Variants in PAFAH2 observed in about 807,000 individuals in gnomAD.
PAFAH2 encodes the protein platelet activating factor acetylhydrolase 2, also known as platelet-activating factor acetylhydrolase 2, cytoplasmic.
PAFAH2 carries 42 observed loss-of-function variants against 49.0 expected under a neutral mutation model. The observed-to-expected ratio is 0.86, with a 90% confidence interval of 0.67 to 1.11. The LOEUF (loss-of-function observed/expected upper bound fraction) is 1.11, where lower values mean the gene tolerates loss of function less well. PAFAH2 is among the 50% of genes least tolerant of loss of function. PAFAH2 has a pLI of 0.00. For synonymous variants in PAFAH2, 184 were observed against 181.3 expected (o/e 1.01, Z -0.12); for missense variants, 503 against 501.8 (o/e 1.00, Z -0.02).
At chr1:25,991,878 G>A (rs575682086) in intron 1 of PAFAH2, among the ~76,000 whole-genome samples, 17 of 152,068 alleles carry the variant, frequency 1.1e-4, no homozygotes, top group Middle Eastern at 3.2e-3. Context: ...GGGTGACAGA[G>A]TGAGACCCTG....
intron 4 of PAFAH2, among the ~76,000 whole-genome samples, chr1:25,987,548 C>T (rs530078155): frequency 1.4e-4 from 22 of 152,160 alleles, no homozygotes; most frequent in Admixed American, 1.2e-3. Context: ...TTCGCTACTA[C>T]GCCAATGCCA....
chr1:25,972,262 A>ATT (rs5773141), intron 10 of PAFAH2, among the ~76,000 whole-genome samples: 232 of 141,174 alleles, frequency 1.6e-3, no homozygotes, highest in African/African-American at 4.8e-3. Context: ...CACCCAGCTA[A>ATT]TTTTTTTTTT....
intron 7 of PAFAH2, among the ~76,000 whole-genome samples, chr1:25,981,202 AATG>A (rs2049683231): frequency 7.7e-6 from 1 of 129,542 alleles, no homozygotes; most frequent in Non-Finnish European, 1.7e-5. Context: ...GCTTGTATTA[AATG>A]ATAACATAAT....
At chr1:25,989,424 T>C in intron 3 of PAFAH2, 24 bp downstream of exon 3, 1 of 1,546,750 alleles carries the variant, frequency 6.5e-7, no homozygotes, top group Non-Finnish European at 8.7e-7. Flanking sequence ...TGGGAAAGCA[T>C]GCAGAGGTCA....
At chr1:25,990,948 C>A in intron 1 of PAFAH2, 85 bp from the exon 2 acceptor site, 1 of 661,180 alleles carries the variant, frequency 1.5e-6, no homozygotes, top group Non-Finnish European at 2.7e-6. Context: ...GTTACCCTGT[C>A]CACCCCTCCT....
chr1:25,990,854 A>C lies in PAFAH2; in HGVS notation c.-38T>G. On this transcript the variant is annotated 5_prime_UTR_variant, in exon 2 of 11. Coordinates refer to ENST00000374282, the MANE Select transcript of PAFAH2 (RefSeq NM_000437.4). ...TGAATCAAATGACTTGCCGGAGCTG[A>C]ACTTGCTGGCTGGATGGGGGAACAC... 1 of 1,560,136 alleles carries C rather than the reference A, an allele frequency of 6.4e-7. No individual in the cohort carries two copies. Among genetic ancestry groups the C allele is most frequent in the Non-Finnish European group, 8.8e-7 (1 of 1,131,438 alleles).
chr1:25,970,432 C>T (rs964575550), intron 10 of PAFAH2, among the ~76,000 whole-genome samples: 2 of 152,148 alleles, frequency 1.3e-5, no homozygotes, highest in African/African-American at 4.8e-5. Flanking sequence ...GAGCTGAGAT[C>T]ACACCACTGC....
chr1:25,978,749 A>C lies in PAFAH2; in HGVS notation c.667-1976T>G, dbSNP rs1438822307. 2.0e-5 allele frequency among the ~76,000 whole-genome samples: 3 copies of C among 152,248 alleles called. No homozygotes were observed. The East Asian group carries it at 5.8e-4, about 29-fold the overall frequency. On this transcript the variant is annotated intron_variant, in intron 7 of 10. Coordinates refer to ENST00000374282, the MANE Select transcript of PAFAH2 (RefSeq NM_000437.4). ...TAGAGCCATATGAGATTATAAAAGGAGCAGGGATCCCTGAGTTGCCTCTTA... is the reference window on the plus strand; with the variant it reads ...TAGAGCCATATGAGATTATAAAAGGCGCAGGGATCCCTGAGTTGCCTCTTA...
At chr1:25,992,467 G>A (rs2049889614) in intron 1 of PAFAH2, among the ~76,000 whole-genome samples, 1 of 152,168 alleles carries the variant, frequency 6.6e-6, no homozygotes, top group Non-Finnish European at 1.5e-5. Context: ...ACTGGTGCCA[G>A]TGCTCCCCTA....
intron 4 of PAFAH2, among the ~76,000 whole-genome samples, chr1:25,986,796 G>C (rs1323314923): frequency 1.3e-5 from 2 of 152,000 alleles, no homozygotes; most frequent in African/African-American, 4.8e-5. Context: ...CTCCCAAAAT[G>C]CTGGGATTAC....
At chr1:25,991,205 T>C (rs1410789102) in intron 1 of PAFAH2, among the ~76,000 whole-genome samples, 1 of 152,188 alleles carries the variant, frequency 6.6e-6, no homozygotes, top group African/African-American at 2.4e-5. Context: ...ATCCATTATT[T>C]ACGGTTAGCA....
chr1:25,991,945 G>A lies in PAFAH2; in HGVS notation c.-47-1082C>T, dbSNP rs552611313. On this transcript the variant is annotated intron_variant, in intron 1 of 10. Transcript: ENST00000374282. ...CTGTTTTACAGATGAGGAAACTAAG[G>A]CATAAAGAGGTTGAATAACCTTCCC... Among the ~76,000 whole-genome samples, 30 of 152,196 alleles carry A rather than the reference G, an allele frequency of 2.0e-4. No homozygotes were observed. In the South Asian group the frequency reaches 6.0e-3, roughly 31 times the overall value.
At chr1:25,962,138 G>C in intron 10 of PAFAH2, 55 bp from the exon 11 acceptor site, 1 of 1,446,144 alleles carries the variant, frequency 6.9e-7, no homozygotes, top group South Asian at 1.2e-5. Context: ...TTTGGTCAAA[G>C]AGTAGCTGAC....
intron 7 of PAFAH2, among the ~76,000 whole-genome samples, chr1:25,981,759 G>A (rs939030450): frequency 2.0e-5 from 3 of 152,166 alleles, no homozygotes; most frequent in Non-Finnish European, 4.4e-5. Flanking sequence ...GGTGGTTCAC[G>A]CCTGTAATCC....
chr1:25,971,074 G>A (rs918828736), intron 10 of PAFAH2, among the ~76,000 whole-genome samples: 1 of 152,168 alleles, frequency 6.6e-6, no homozygotes, highest in Non-Finnish European at 1.5e-5. Context: ...GCCAGGTGCC[G>A]TCTGAGGCTT....
chr1:25,991,357 G>A (rs2049872837), intron 1 of PAFAH2, among the ~76,000 whole-genome samples: 1 of 151,920 alleles, frequency 6.6e-6, no homozygotes, highest in South Asian at 2.1e-4. Context: ...CTTGCTCGCT[G>A]CAACCTCCGA....
At chr1:25,971,563 G>A (rs151245137) in intron 10 of PAFAH2, among the ~76,000 whole-genome samples, 11 of 152,278 alleles carry the variant, frequency 7.2e-5, no homozygotes, top group African/African-American at 2.6e-4. Flanking sequence ...AAGAGATGTC[G>A]TGAGAGGAAG....
intron 9 of PAFAH2, 61 bp downstream of exon 9, chr1:25,974,419 G>A: frequency 1.4e-6 from 2 of 1,408,566 alleles, no homozygotes; most frequent in Non-Finnish European, 1.9e-6. Flanking sequence ...AGAAGTTAAG[G>A]GCACCACAGC....
chr1:25,984,308 A>T, intron 5 of PAFAH2, 152 bp downstream of exon 5: 1 of 744,634 alleles, frequency 1.3e-6, no homozygotes, highest in Non-Finnish European at 2.2e-6. Flanking sequence ...GAAATTATTT[A>T]ACATCTTTAA....
Sources: allele counts gnomAD v4.1 joint callset (sites outside exome capture counted in the v4.1 genomes callset), GRCh38; gene constraint gnomAD v4.1.1; transcripts MANE v1.5; gene names NCBI Gene and HGNC (gene_info 2026-07-23, HGNC 2026-07-21).